TCF7L2: variants seen among roughly 807,000 people sequenced by gnomAD.
TCF7L2 encodes transcription factor 7 like 2, also known as transcription factor 7-like 2.
TCF7L2 carries 23 observed loss-of-function variants against 77.9 expected under a neutral mutation model. That is an observed-to-expected ratio of 0.30 (90% CI 0.21 to 0.42). The LOEUF is 0.42. Ranked by LOEUF, TCF7L2 falls within the 10% of genes least tolerant of loss-of-function variation. The pLI, the probability that TCF7L2 is intolerant of heterozygous loss-of-function variation, is 1.00. For missense variants in TCF7L2, 654 were observed against 793.1 expected (o/e 0.82, Z 2.11); for synonymous variants, 413 against 340.2 (o/e 1.21, Z -2.36).
At chr10:113,012,938 T>C (rs1316630156) in intron 4 of TCF7L2, among the ~76,000 whole-genome samples, 1 of 152,104 alleles carries the variant, frequency 6.6e-6, no homozygotes, top group Admixed American at 6.5e-5. Flanking sequence ...TCTACGCGTG[T>C]TGCTGAAACT....
At chr10:113,134,262 C>A (rs145590057) in intron 5 of TCF7L2, among the ~76,000 whole-genome samples, 1 of 152,198 alleles carries the variant, frequency 6.6e-6, no homozygotes, top group Admixed American at 6.5e-5. Context: ...TGAGGAAGCC[C>A]ACCCATTTGG....
chr10:112,960,389 C>T (rs2034755269), intron 3 of TCF7L2, among the ~76,000 whole-genome samples: 1 of 152,182 alleles, frequency 6.6e-6, no homozygotes, highest in African/African-American at 2.4e-5. Context: ...GCCGAGTCTT[C>T]ACCGTTCTTC....
intron 4 of TCF7L2, among the ~76,000 whole-genome samples, chr10:112,994,312 T>C (rs34872471): frequency 0.29 from 44,298 of 152,076 alleles, 6,806 homozygotes; most frequent in Middle Eastern, 0.41. Flanking sequence ...TTCATATAAA[T>C]GGTATCATAA....
chr10:113,073,082 C>G (rs2058225866), intron 5 of TCF7L2, among the ~76,000 whole-genome samples: 1 of 133,036 alleles, frequency 7.5e-6, no homozygotes, highest in Non-Finnish European at 1.6e-5. Flanking sequence ...CCATGTGTAC[C>G]TAGGGCAGGG....
chr10:113,025,948 G>A (rs529404482), intron 4 of TCF7L2, among the ~76,000 whole-genome samples: 2 of 151,444 alleles, frequency 1.3e-5, no homozygotes, highest in African/African-American at 4.9e-5. Flanking sequence ...GTGCTATCTC[G>A]GCTCACTGCA....
intron 4 of TCF7L2, among the ~76,000 whole-genome samples, chr10:112,965,858 T>C (rs1023101574): frequency 3.9e-5 from 6 of 152,132 alleles, no homozygotes; most frequent in African/African-American, 1.4e-4. Context: ...GTACTCATTT[T>C]CAGGCCACAG....
intron 4 of TCF7L2, among the ~76,000 whole-genome samples, chr10:112,994,729 T>C (rs2043162072): frequency 6.6e-6 from 1 of 151,990 alleles, no homozygotes; most frequent in African/African-American, 2.4e-5. Context: ...TAAAAAGTGG[T>C]TTGGGAGGCT....
chr10:113,064,922 G>C (rs1282733956), intron 5 of TCF7L2, among the ~76,000 whole-genome samples: 1 of 152,210 alleles, frequency 6.6e-6, no homozygotes, highest in East Asian at 1.9e-4. Flanking sequence ...ACCTAAACTT[G>C]TCAATTGCCA....
intron 8 of TCF7L2, 75 bp from the exon 9 acceptor site, chr10:113,150,923 T>TTTAA: frequency 1.3e-6 from 2 of 1,571,312 alleles, no homozygotes; most frequent in Non-Finnish European, 1.7e-6. Flanking sequence ...TTTTTTTCTT[T>TTTAA]TTAATTGTGT....
chr10:113,162,514 AT>A (rs1357470821), intron 13 of TCF7L2, among the ~76,000 whole-genome samples: 2 of 152,130 alleles, frequency 1.3e-5, no homozygotes, highest in Non-Finnish European at 2.9e-5. Context: ...TAAAAAAAAA[AT>A]CTGCCAACCG....
At chr10:113,044,654 G>A (rs1384569794) in intron 5 of TCF7L2, among the ~76,000 whole-genome samples, 1 of 152,172 alleles carries the variant, frequency 6.6e-6, no homozygotes, top group East Asian at 1.9e-4. Flanking sequence ...TACAGGCCTG[G>A]GCGGCTCCCT....
At chr10:113,115,732 C>T in intron 5 of TCF7L2, among the ~76,000 whole-genome samples, 1 of 152,072 alleles carries the variant, frequency 6.6e-6, no homozygotes, top group East Asian at 1.9e-4. Flanking sequence ...TCTAATGGAG[C>T]TGTGTGCGGC....
chr10:113,021,405 A>T (rs2048250392), intron 4 of TCF7L2, among the ~76,000 whole-genome samples: 1 of 152,202 alleles, frequency 6.6e-6, no homozygotes, highest in South Asian at 2.1e-4. Flanking sequence ...GTTGGATAAC[A>T]GCAACAAAAA....
At chr10:113,002,353 C>T (rs2044643327) in intron 4 of TCF7L2, among the ~76,000 whole-genome samples, 1 of 152,104 alleles carries the variant, frequency 6.6e-6, no homozygotes. Context: ...TTTTGCTCAC[C>T]AGAGGACATT....
At chr10:112,970,216 AC>A (rs1236951189) in intron 4 of TCF7L2, among the ~76,000 whole-genome samples, 2 of 152,092 alleles carry the variant, frequency 1.3e-5, no homozygotes, top group South Asian at 2.1e-4. Flanking sequence ...CCACACAAAG[AC>A]AACTAGGAGA....
Position 113,129,324 on chromosome 10 carries a change from C to G in TCF7L2, c.553-11860C>G, listed in dbSNP as rs150758524. The G allele has an allele frequency of 1.1e-5, 11 of 986,426 alleles. No individual in the cohort carries two copies. The African/African-American group carries it at 1.6e-4, about 14-fold the overall frequency. 61.1% of individuals were successfully genotyped at this position (986,426 alleles called of 1,614,324 possible). A position where few individuals can be genotyped will look rare whatever the true frequency, so the allele number is the denominator to read the frequency against. On this transcript the variant is annotated intron_variant, in intron 5 of 13. Transcript: ENST00000627217. Reference sequence around the variant, plus strand: ...TTGATCATTTTCCCTCATGGCTGACCGTAATTTCTTTGCTACTCTTAGCGG... The same window carrying G: ...TTGATCATTTTCCCTCATGGCTGACGGTAATTTCTTTGCTACTCTTAGCGG...
chr10:113,152,382 G>A lies in TCF7L2; in HGVS notation c.1211G>A (p.Arg404Gln), dbSNP rs766538576. 4 of 1,614,216 alleles carry A rather than the reference G, an allele frequency of 2.5e-6. No homozygotes were observed. The highest frequency in any genetic ancestry group is 2.5e-6 in the Non-Finnish European group (3 of 1,180,042). Residue 404 changes from arginine (R) to glutamine (Q), a missense_variant, in exon 11 of 14, where the codon CGG becomes CAG. Arg to Gln is a conservative substitution (Grantham distance 43). This residue lies in a region of TCF7L2 where 31 missense variants were observed against 116.1 expected (regional missense o/e 0.27). Coordinates refer to ENST00000627217, the MANE Select transcript of TCF7L2 (RefSeq NM_001146274.2). ...CAAGCGAAATACTACGAGCTGGCCC[G>A]GAAGGAGCGACAGCTTCATATGCAA...
intron 3 of TCF7L2, among the ~76,000 whole-genome samples, chr10:112,954,543 C>G (rs1435716626): frequency 5.3e-5 from 8 of 152,062 alleles, no homozygotes; most frequent in African/African-American, 1.4e-4. Context: ...ATAGGAATGG[C>G]TTTTAAAAAG....
chr10:113,103,386 G>T (rs752905320), intron 5 of TCF7L2, among the ~76,000 whole-genome samples: 1 of 152,032 alleles, frequency 6.6e-6, no homozygotes, highest in African/African-American at 2.4e-5. Flanking sequence ...TGTTTTGTGT[G>T]TGTGGTTTTG....
Sources: gnomAD v4.1 joint callset for allele counts (sites outside exome capture counted in the v4.1 genomes callset) on GRCh38, gnomAD v4.1.1 for gene constraint, gnomAD v4.1.1 regional missense constraint, MANE v1.5 for transcripts, NCBI Gene and HGNC (gene_info 2026-07-23, HGNC 2026-07-21) for gene names.